DMD: variants seen among roughly 807,000 people sequenced by gnomAD.
The protein encoded by DMD is mutant dystrophin.
Under a neutral mutation model 330.1 loss-of-function variants are expected in DMD, and 63 were observed. That is an observed-to-expected ratio of 0.19 (90% CI 0.16 to 0.24). The LOEUF (loss-of-function observed/expected upper bound fraction) is 0.24. DMD is among the 10% of genes least tolerant of loss of function. The pLI, the probability that DMD is intolerant of heterozygous loss-of-function variation, is 1.00. For synonymous variants in DMD, 1,223 were observed against 959.8 expected, an observed-to-expected ratio of 1.27 and a Z score of -5.07; for missense variants, 3,344 against 2,684.1, an observed-to-expected ratio of 1.25 and a Z score of -5.43.
intron 41 of DMD, among the ~76,000 whole-genome samples, chrX:32,313,896 GA>G: frequency 9.0e-6 from 1 of 111,552 alleles, no homozygotes; most frequent in Non-Finnish European, 1.9e-5. Flanking sequence ...GGAAATAAGA[GA>G]GGACCCAAAC....
At chrX:31,520,172 T>G (rs1406273895) in intron 55 of DMD, among the ~76,000 whole-genome samples, 1 of 111,885 alleles carries the variant, frequency 8.9e-6, no homozygotes, top group Middle Eastern at 4.2e-3. Context: ...TAGAACCCAT[T>G]CATGAGCTTT....
chrX:32,271,966 T>C (rs752587415), intron 43 of DMD, among the ~76,000 whole-genome samples: 1 of 111,199 alleles, frequency 9.0e-6, no homozygotes, highest in African/African-American at 3.2e-5. Context: ...AGCTTTTGAG[T>C]GAGAAGCTTA....
chrX:31,323,722 A>T (rs1213893937), intron 61 of DMD, 64 bp from the exon 62 acceptor site: 2 of 967,526 alleles, frequency 2.1e-6, no homozygotes, highest in East Asian at 3.1e-5. Flanking sequence ...CAGGAAAGAC[A>T]ACATTAATCT....
intron 7 of DMD, among the ~76,000 whole-genome samples, chrX:32,737,239 A>C (rs2068636710): frequency 9.0e-6 from 1 of 111,195 alleles, no homozygotes; most frequent in Non-Finnish European, 1.9e-5. Context: ...TACATGTTTC[A>C]CTTGGAATAA....
intron 1 of DMD, among the ~76,000 whole-genome samples, chrX:33,140,898 A>AT (rs1190535646): frequency 1.8e-5 from 2 of 112,038 alleles, no homozygotes; most frequent in African/African-American, 6.5e-5. Context: ...CCAAGTTATG[A>AT]TTTTTTTAGT....
intron 44 of DMD, among the ~76,000 whole-genome samples, chrX:32,035,224 C>G (rs2095932828): frequency 9.0e-6 from 1 of 111,362 alleles, no homozygotes; most frequent in African/African-American, 3.3e-5. Flanking sequence ...CATCATTTTA[C>G]TCAACTGATC....
rs1283068770 is a variant in DMD, at chrX:32,860,146, A to G, written c.94-10326T>C. On this transcript the variant is annotated intron_variant, in intron 2 of 78. Transcript: ENST00000357033. Reference sequence around the variant, plus strand: ...AAACAGTGTTCAAAAAGAAACACAGATAGGTAGGTTGACAAGTGGCATAAA... The same window carrying G: ...AAACAGTGTTCAAAAAGAAACACAGGTAGGTAGGTTGACAAGTGGCATAAA... Among the ~76,000 whole-genome samples the G allele has an allele frequency of 3.6e-5, 4 of 112,257 alleles. No individual in the cohort carries two copies. In the Admixed American group the frequency reaches 3.8e-4, roughly 11 times the overall value.
intron 44 of DMD, among the ~76,000 whole-genome samples, chrX:32,104,830 G>A (rs1370295574): frequency 9.0e-6 from 1 of 110,726 alleles, no homozygotes; most frequent in East Asian, 2.9e-4. Flanking sequence ...TGAGTCGCAA[G>A]GCTATTAAGT....
intron 11 of DMD, among the ~76,000 whole-genome samples, chrX:32,625,038 G>A (rs2058255599): frequency 2.7e-5 from 3 of 111,907 alleles, no homozygotes; most frequent in South Asian, 7.5e-4. Context: ...GGGAGTGGTG[G>A]CACATGCCTG....
At chrX:32,731,258 C>T (rs1007908611) in intron 7 of DMD, among the ~76,000 whole-genome samples, 1 of 112,372 alleles carries the variant, frequency 8.9e-6, no homozygotes, top group Non-Finnish European at 1.9e-5. Context: ...CTCGGAGGGT[C>T]CTACCCCAAC....
At chrX:33,254,307 C>T (rs920972019) in intron 1 of DMD, among the ~76,000 whole-genome samples, 6 of 99,586 alleles carry the variant, frequency 6.0e-5, no homozygotes, top group African/African-American at 2.9e-4. Flanking sequence ...TAAATATTTG[C>T]TCTCAGGTTT....
intron 62 of DMD, among the ~76,000 whole-genome samples, chrX:31,319,700 T>G (rs1211559011): frequency 8.9e-6 from 1 of 112,565 alleles, no homozygotes; most frequent in Admixed American, 9.4e-5. Context: ...TCTGACCCAG[T>G]GTGATATTTC....
intron 65 of DMD, among the ~76,000 whole-genome samples, chrX:31,208,085 A>C (rs1403863166): frequency 8.9e-6 from 1 of 111,961 alleles, no homozygotes; most frequent in Non-Finnish European, 1.9e-5. Context: ...TATTGGTAAA[A>C]AGAAAAAGGA....
chrX:31,844,522 T>G (rs1276657928), intron 48 of DMD, among the ~76,000 whole-genome samples: 2 of 111,760 alleles, frequency 1.8e-5, no homozygotes, highest in Non-Finnish European at 3.8e-5. Flanking sequence ...GTTTTTTAGA[T>G]TCATATGAAT....
intron 51 of DMD, among the ~76,000 whole-genome samples, chrX:31,757,704 C>G (rs187079364): frequency 1.8e-5 from 2 of 110,109 alleles, no homozygotes; most frequent in Admixed American, 2.0e-4. Flanking sequence ...CCTAATCACC[C>G]CCCCAAACCC....
intron 1 of DMD, among the ~76,000 whole-genome samples, chrX:33,182,719 A>G (rs766619138): frequency 8.9e-6 from 1 of 112,655 alleles, no homozygotes; most frequent in Non-Finnish European, 1.9e-5. Flanking sequence ...GCATAAAGAT[A>G]TCAGTTCTAC....
chrX:31,178,458 G>GA (rs770334565), intron 70 of DMD: 1 of 922,964 alleles, frequency 1.1e-6, no homozygotes, highest in African/African-American at 2.1e-5. Context: ...CCCCCTGTGA[G>GA]ATAAAGTTTA....
chrX:31,544,732 G>A (rs1193860506), intron 55 of DMD, among the ~76,000 whole-genome samples: 2 of 111,270 alleles, frequency 1.8e-5, no homozygotes, highest in Non-Finnish European at 3.8e-5. Context: ...ATGCTTTTAT[G>A]TTGTTGATTT....
intron 2 of DMD, among the ~76,000 whole-genome samples, chrX:32,972,236 G>A (rs1322589902): frequency 9.0e-6 from 1 of 110,990 alleles, no homozygotes; most frequent in Non-Finnish European, 1.9e-5. Context: ...GGAGTGCGAT[G>A]GTGCAATGAT....
Sources: allele counts gnomAD v4.1 joint callset (sites outside exome capture counted in the v4.1 genomes callset), GRCh38; gene constraint gnomAD v4.1.1; transcripts MANE v1.5; gene names NCBI Gene and HGNC (gene_info 2026-07-23, HGNC 2026-07-21).